NUP62CL: variants seen among roughly 807,000 people sequenced by gnomAD.
The protein encoded by NUP62CL is nucleoporin 62 C-terminal like.
A neutral mutation model predicts 15.3 loss-of-function variants in NUP62CL; 13 were observed. The ratio of observed to expected loss-of-function variants is 0.85; its 90% confidence interval spans 0.55 to 1.35. The LOEUF (loss-of-function observed/expected upper bound fraction) is 1.35. Ranked by LOEUF, NUP62CL falls within the 40% of genes most tolerant of loss-of-function variation. The probability of loss-of-function intolerance (pLI) is 0.00; values close to 1 mark genes in which losing one functional copy is unlikely to be tolerated. For missense variants in NUP62CL, 123 were observed against 130.6 expected (o/e 0.94, Z 0.28); for synonymous variants, 54 against 49.2 (o/e 1.10, Z -0.41).
chrX:107,153,676 T>C (rs1926102995), intron 5 of NUP62CL, among the ~76,000 whole-genome samples, 173 bp from the exon 6 acceptor site: 1 of 112,286 alleles, frequency 8.9e-6, no homozygotes, highest in African/African-American at 3.2e-5. Context: ...GAATAGAAAA[T>C]TAACCACAGG....
chrX:107,161,054 G>C (rs1926353835), intron 4 of NUP62CL, among the ~76,000 whole-genome samples: 1 of 111,606 alleles, frequency 9.0e-6, no homozygotes, highest in African/African-American at 3.3e-5. Context: ...CTGGCCATCA[G>C]AGAAATGCAA....
chrX:107,142,871 T>C (rs1316544297), intron 8 of NUP62CL, among the ~76,000 whole-genome samples: 2 of 112,009 alleles, frequency 1.8e-5, no homozygotes, highest in Non-Finnish European at 3.8e-5. Context: ...CAAAATAATG[T>C]TGTAAATTTT....
At chrX:107,129,605 G>T (rs903741222) in intron 8 of NUP62CL, among the ~76,000 whole-genome samples, 1 of 111,641 alleles carries the variant, frequency 9.0e-6, no homozygotes, top group Non-Finnish European at 1.9e-5. Context: ...CAGCTAAAGA[G>T]ATAAATCCTG....
chrX:107,133,713 G>A (rs1371660165), intron 8 of NUP62CL, among the ~76,000 whole-genome samples: 4 of 112,490 alleles, frequency 3.6e-5, no homozygotes, highest in Non-Finnish European at 7.5e-5. Flanking sequence ...GGCGAGGCGG[G>A]TGGATCACGA....
intron 2 of NUP62CL, among the ~76,000 whole-genome samples, chrX:107,182,770 T>C (rs968674635): frequency 9.0e-6 from 1 of 111,384 alleles, no homozygotes; most frequent in African/African-American, 3.3e-5. Context: ...ACTAATCTCT[T>C]AGGGGGAAAA....
At chrX:107,180,913 CTT>C (rs35001668) in intron 2 of NUP62CL, among the ~76,000 whole-genome samples, 8 of 85,123 alleles carry the variant, frequency 9.4e-5, no homozygotes, top group East Asian at 3.6e-4. Context: ...TATGGTTTCG[CTT>C]TTTTTTTTTT....
At chrX:107,187,234 A>G (rs1380752442) in intron 2 of NUP62CL, among the ~76,000 whole-genome samples, 1 of 111,655 alleles carries the variant, frequency 9.0e-6, no homozygotes, top group Non-Finnish European at 1.9e-5. Context: ...TGTACACATT[A>G]GAAAAGAAGA....
chrX:107,202,715 G>C (rs1927514876), intron 1 of NUP62CL: 1 of 104,593 alleles, frequency 9.6e-6, no homozygotes, highest in Non-Finnish European at 2.0e-5. Flanking sequence ...AACATTCATG[G>C]CTGGGCCCAG....
intron 3 of NUP62CL, 23 bp from the exon 4 acceptor site, chrX:107,167,807 T>C (rs1293988642): frequency 8.6e-7 from 1 of 1,169,029 alleles, no homozygotes; most frequent in Non-Finnish European, 1.2e-6. Flanking sequence ...GTGTATAATG[T>C]TAGTAAGAAA....
At chrX:107,141,879 T>C (rs1298838583) in intron 8 of NUP62CL, among the ~76,000 whole-genome samples, 1 of 109,525 alleles carries the variant, frequency 9.1e-6, no homozygotes, top group Non-Finnish European at 1.9e-5. Flanking sequence ...GCCAACACCA[T>C]GAAACCCTGT....
chrX:107,125,162 TATG>T (rs954727147), intron 8 of NUP62CL, among the ~76,000 whole-genome samples: 1 of 112,053 alleles, frequency 8.9e-6, no homozygotes, highest in African/African-American at 3.2e-5. Context: ...TGAAGAACTT[TATG>T]ATGATCCAAT....
At chrX:107,131,692 G>A (rs774187949) in intron 8 of NUP62CL, 260 of 688,877 alleles carry the variant, frequency 3.8e-4, no homozygotes, top group Non-Finnish European at 4.5e-4. Flanking sequence ...AAGAGGAGGA[G>A]CAGTTGGTTC....
intron 8 of NUP62CL, among the ~76,000 whole-genome samples, chrX:107,139,154 C>G (rs1399539714): frequency 9.1e-6 from 1 of 109,658 alleles, no homozygotes; most frequent in Non-Finnish European, 1.9e-5. Context: ...TTAGGAAATG[C>G]GGTAGAGGGG....
chrX:107,204,125 A>G (rs1927553197), intron 1 of NUP62CL, among the ~76,000 whole-genome samples: 1 of 111,468 alleles, frequency 9.0e-6, no homozygotes, highest in East Asian at 2.8e-4. Context: ...TTTAAAACCG[A>G]ACTAGGAGTC....
intron 3 of NUP62CL, among the ~76,000 whole-genome samples, chrX:107,170,310 G>C (rs912317970): frequency 9.0e-6 from 1 of 111,209 alleles, no homozygotes; most frequent in African/African-American, 3.3e-5. Flanking sequence ...GTTCTCTCTA[G>C]AGGGAGTGAT....
chrX:107,181,928 T>A (rs1926929381), intron 2 of NUP62CL, among the ~76,000 whole-genome samples: 1 of 112,208 alleles, frequency 8.9e-6, no homozygotes, highest in South Asian at 3.7e-4. Context: ...GGGAAAGCTA[T>A]TGATTTTTGT....
At chrX:107,129,151 A>G (rs1335314786) in intron 8 of NUP62CL, among the ~76,000 whole-genome samples, 1 of 112,313 alleles carries the variant, frequency 8.9e-6, no homozygotes, top group Non-Finnish European at 1.9e-5. Flanking sequence ...AAAAACAAGA[A>G]AGGAGACAAC....
At chrX:107,169,451 T>C (rs1926595358) in intron 3 of NUP62CL, among the ~76,000 whole-genome samples, 1 of 112,524 alleles carries the variant, frequency 8.9e-6, no homozygotes, top group South Asian at 3.7e-4. Context: ...GCAATGACTT[T>C]ACTTGAATTC....
At chrX:107,197,370 C>A (rs1238484526) in intron 1 of NUP62CL, among the ~76,000 whole-genome samples, 1 of 110,857 alleles carries the variant, frequency 9.0e-6, no homozygotes, top group African/African-American at 3.3e-5. Flanking sequence ...CTATGCATAT[C>A]ATTACTTTAT....
Sources: gnomAD v4.1 joint callset for allele counts (sites outside exome capture counted in the v4.1 genomes callset) on GRCh38, gnomAD v4.1.1 for gene constraint, MANE v1.5 for transcripts, NCBI Gene and HGNC (gene_info 2026-07-23, HGNC 2026-07-21) for gene names.